SLC9C1: variants seen among roughly 807,000 people sequenced by gnomAD.
The protein encoded by SLC9C1 is sodium/hydrogen exchanger 10.
In SLC9C1, 97 loss-of-function variants were observed where a neutral mutation model predicts 140.9. The ratio of observed to expected loss-of-function variants is 0.69; its 90% CI spans 0.58 to 0.82. SLC9C1 has a LOEUF of 0.82. SLC9C1 is among the 40% of genes least tolerant of loss of function. The pLI, the probability that SLC9C1 is intolerant of heterozygous loss-of-function variation, is 0.00. For synonymous variants in SLC9C1, 440 were observed against 442.6 expected (o/e 0.99, Z 0.07); for missense variants, 1,340 against 1,389.3 (o/e 0.96, Z 0.56).
At chr3:112,252,551 G>T (rs924770223) in intron 10 of SLC9C1, among the ~76,000 whole-genome samples, 1 of 151,998 alleles carries the variant, frequency 6.6e-6, no homozygotes, top group Non-Finnish European at 1.5e-5. Context: ...TTTTATGCAG[G>T]TTCCTGATTT....
chr3:112,267,021 C>T (rs1157737182), intron 7 of SLC9C1, among the ~76,000 whole-genome samples: 1 of 152,132 alleles, frequency 6.6e-6, no homozygotes, highest in Non-Finnish European at 1.5e-5. Flanking sequence ...TGGCTCATAC[C>T]TATAATTCCA....
In SLC9C1 at chr3:112,166,175, T is replaced by C. The variant is rs190181077; in HGVS notation, c.3364+1046A>G. The stretch of plus-strand genomic sequence containing the variant: ...TTTCCAGGCGCCGTCTGTCACCCCT[T>C]TCTTTGACTAGGATAGGGAATTCCC... On this transcript the variant is annotated intron_variant, in intron 26 of 28. Coordinates refer to ENST00000305815, the MANE Select transcript of SLC9C1 (RefSeq NM_183061.3). Among the ~76,000 whole-genome samples, 14 of 152,300 alleles carry C rather than the reference T, an allele frequency of 9.2e-5. No individual in the cohort carries two copies. The East Asian group carries it at 2.7e-3, about 29-fold the overall frequency.
chr3:112,189,343 T>A (rs1179989237), intron 20 of SLC9C1, among the ~76,000 whole-genome samples: 1 of 152,240 alleles, frequency 6.6e-6, no homozygotes, highest in Non-Finnish European at 1.5e-5. Context: ...GGTTTTCTTC[T>A]AGAGTTTTTA....
At chr3:112,260,061 T>C (rs1402179367) in intron 10 of SLC9C1, among the ~76,000 whole-genome samples, 2 of 152,316 alleles carry the variant, frequency 1.3e-5, no homozygotes, top group African/African-American at 4.8e-5. Flanking sequence ...GCTGATTTTC[T>C]GTCTAGTTGT....
At position 112,155,050 on chromosome 3, in the gene SLC9C1, CTGATT is replaced by C; in HGVS notation, c.3365-6_3365-2del. 1.3e-6 allele frequency: 2 copies of C among 1,517,582 alleles called. No individual in the cohort carries two copies. The highest frequency in any genetic ancestry group is 4.3e-5 in the Admixed American group (2 of 46,814). 94.0% of individuals were successfully genotyped at this position (1,517,582 alleles called of 1,614,324 possible). On this transcript the variant is annotated splice_acceptor_variant and splice_polypyrimidine_tract_variant and intron_variant, in intron 26 of 28. Coordinates refer to ENST00000305815, the MANE Select transcript of SLC9C1 (RefSeq NM_183061.3). LOFTEE classifies it high-confidence loss of function. ...CCTTCTTCCAATGTTCCAACTGAAC[CTGATT>C]AAAAAAAAAAAAAACAGTGTTAATT... is the stretch of plus-strand genomic sequence containing the variant.
At chr3:112,158,391 C>T (rs2075187549) in intron 26 of SLC9C1, among the ~76,000 whole-genome samples, 1 of 151,864 alleles carries the variant, frequency 6.6e-6, no homozygotes, top group East Asian at 1.9e-4. Context: ...GATGAATGAC[C>T]TTTTTAATGT....
At chr3:112,280,016 G>A (rs940524539) in intron 3 of SLC9C1, among the ~76,000 whole-genome samples, 1 of 152,208 alleles carries the variant, frequency 6.6e-6, no homozygotes, top group Admixed American at 6.5e-5. Flanking sequence ...AATTGCATCT[G>A]TGTCAAAATC....
intron 23 of SLC9C1, among the ~76,000 whole-genome samples, chr3:112,178,705 C>T (rs982295701): frequency 1.3e-5 from 2 of 152,102 alleles, no homozygotes; most frequent in African/African-American, 4.8e-5. Context: ...TAATATTGAC[C>T]AATGTCCTTA....
At chr3:112,190,905 T>C (rs371322074) in intron 20 of SLC9C1, among the ~76,000 whole-genome samples, 1 of 148,984 alleles carries the variant, frequency 6.7e-6, no homozygotes, top group East Asian at 2.0e-4. Context: ...TTAAATTTTA[T>C]GCAGTAATTT....
chr3:112,142,728 C>A (rs991678913), intron 28 of SLC9C1, among the ~76,000 whole-genome samples: 1 of 151,936 alleles, frequency 6.6e-6, no homozygotes, highest in Non-Finnish European at 1.5e-5. Context: ...AAAAAAAATC[C>A]TTTTCTTTCC....
At chr3:112,262,433 T>G (rs991966825) in intron 10 of SLC9C1, among the ~76,000 whole-genome samples, 3 of 95,376 alleles carry the variant, frequency 3.1e-5, no homozygotes. Context: ...CACAGAAATT[T>G]TCTTACAGAG....
At chr3:112,191,824 TC>T (rs1326971444) in intron 20 of SLC9C1, among the ~76,000 whole-genome samples, 1 of 152,122 alleles carries the variant, frequency 6.6e-6, no homozygotes, top group African/African-American at 2.4e-5. Context: ...TTATATTTTT[TC>T]ATATGAATTT....
chr3:112,148,865 T>TGTCC (rs1356445837), intron 28 of SLC9C1, among the ~76,000 whole-genome samples: 2 of 152,088 alleles, frequency 1.3e-5, no homozygotes, highest in African/African-American at 2.4e-5. Context: ...ATCCAGTGAG[T>TGTCC]GTCCACCAGG....
intron 5 of SLC9C1, 89 bp downstream of exon 5, chr3:112,277,605 GA>G: frequency 8.5e-7 from 1 of 1,182,144 alleles, no homozygotes; most frequent in Non-Finnish European, 1.1e-6. Context: ...TTCTCACAGT[GA>G]AAAGCTACCA....
At chr3:112,212,115 G>C (rs1174092100) in intron 15 of SLC9C1, among the ~76,000 whole-genome samples, 2 of 152,250 alleles carry the variant, frequency 1.3e-5, no homozygotes, top group African/African-American at 2.4e-5. Flanking sequence ...TGGACCTCCA[G>C]CAAACTCCAA....
intron 23 of SLC9C1, among the ~76,000 whole-genome samples, chr3:112,177,005 C>CTTT (rs57879370): frequency 0.011 from 1,198 of 104,692 alleles, 36 homozygotes; most frequent in African/African-American, 0.019. Flanking sequence ...CTCTCTCTCT[C>CTTT]TTTTTTTTTT....
At chr3:112,278,662 T>A (rs1229002285) in intron 4 of SLC9C1, 67 bp downstream of exon 4, 1 of 1,493,804 alleles carries the variant, frequency 6.7e-7, no homozygotes, top group African/African-American at 1.4e-5. Context: ...AAAAAATATT[T>A]TAAAAATTTG....
In SLC9C1 at chr3:112,208,334, A is replaced by T. The variant is rs559574862; in HGVS notation, c.1830T>A (p.Thr610=). 2.5e-6 allele frequency: 4 copies of T among 1,603,256 alleles called. No homozygotes were observed. In the East Asian group the frequency reaches 6.7e-5, roughly 27 times the overall value. ...GGTATCCAACATGTTCAAATTCCTC[A>T]GTAAATACTATTGTATGGCATATAC... ...FFRICHTIVF[T]EEFEHVGYLV... Residue 610 remains threonine (T), a synonymous_variant, in exon 16 of 29, where the codon ACT becomes ACA. Transcript: ENST00000305815.
chr3:112,258,987 A>C (rs1054418632), intron 10 of SLC9C1, among the ~76,000 whole-genome samples: 5 of 152,158 alleles, frequency 3.3e-5, no homozygotes, highest in African/African-American at 1.2e-4. Flanking sequence ...CACTATCATG[A>C]GAACAGTAAG....
Sources: allele counts gnomAD v4.1 joint callset (sites outside exome capture counted in the v4.1 genomes callset), GRCh38; gene constraint gnomAD v4.1.1; transcripts MANE v1.5; gene names NCBI Gene and HGNC (gene_info 2026-07-23, HGNC 2026-07-21).